The following DLGAP5 variants were observed in gnomAD, a reference collection of about 807,000 sequenced individuals.
DLGAP5 encodes the protein disks large-associated protein 5.
DLGAP5 carries 90 observed loss-of-function variants against 99.6 expected under a neutral mutation model. That is an observed-to-expected ratio of 0.90 (90% CI 0.76 to 1.08). DLGAP5 has a LOEUF of 1.08. Ranked by LOEUF, DLGAP5 falls within the 50% of genes least tolerant of loss-of-function variation. The pLI, the probability that DLGAP5 is intolerant of heterozygous loss-of-function variation, is 0.00. For missense variants in DLGAP5, 1,036 were observed against 983.5 expected (o/e 1.05, Z -0.71); for synonymous variants, 311 against 321.3 (o/e 0.97, Z 0.34).
chr14:55,152,508 G>C, intron 16 of DLGAP5, 82 bp downstream of exon 16: 1 of 1,041,628 alleles, frequency 9.6e-7, no homozygotes, highest in South Asian at 2.0e-5. Context: ...GAAATTCTGG[G>C]GATGCTTTAC....
chr14:55,159,351 C>T (rs1882331966), intron 13 of DLGAP5, among the ~76,000 whole-genome samples: 1 of 152,224 alleles, frequency 6.6e-6, no homozygotes, highest in South Asian at 2.1e-4. Context: ...GACAAGGGAA[C>T]AGAGAGTTAT....
intron 18 of DLGAP5, 113 bp from the exon 19 acceptor site, chr14:55,148,586 G>C (rs1397167164): frequency 6.4e-7 from 1 of 1,558,796 alleles, no homozygotes; most frequent in Non-Finnish European, 8.6e-7. Flanking sequence ...GGGTGCGGTG[G>C]TGCACACCTG....
chr14:55,163,902 G>C, intron 12 of DLGAP5, among the ~76,000 whole-genome samples: 1 of 152,100 alleles, frequency 6.6e-6, no homozygotes, highest in Non-Finnish European at 1.5e-5. Flanking sequence ...GGTTTTAAGA[G>C]CTCTTTGTAT....
chr14:55,180,761 G>C lies in DLGAP5; in HGVS notation c.598C>G (p.Pro200Ala). 6.2e-7 allele frequency: 1 copy of C among 1,614,060 alleles called. No individual in the cohort carries two copies. Residue 200 changes from proline (P) to alanine (A), a missense_variant, in exon 6 of 19, where the codon CCC (proline) becomes GCC (alanine). Pro to Ala is a conservative substitution (Grantham distance 27, BLOSUM62 -1). Coordinates refer to ENST00000247191, the MANE Select transcript of DLGAP5 (RefSeq NM_014750.5). Reference sequence around the variant, plus strand: ...GATCGAGTCATTCTCAACGACGTGGGCATTACAGGCTGCACAACTGTGGGA... The same window carrying C: ...GATCGAGTCATTCTCAACGACGTGGCCATTACAGGCTGCACAACTGTGGGA... ...KEKKVVQPVM[P>A]TSLRMTRSAT...
chr14:55,164,266 G>A (rs990805948), intron 12 of DLGAP5, among the ~76,000 whole-genome samples: 1 of 151,756 alleles, frequency 6.6e-6, no homozygotes, highest in African/African-American at 2.4e-5. Flanking sequence ...AACCGAGAAG[G>A]TCGAGACTAG....
At position 55,175,526 on chromosome 14, in the gene DLGAP5, T is replaced by C. The variant is rs1883031667; in HGVS notation, c.1175-54A>G. 2.3e-5 allele frequency: 24 copies of C among 1,036,024 alleles called. No homozygotes were observed. In the South Asian group the frequency reaches 3.6e-4, roughly 15 times the overall value. The allele number at this position is 1,036,024 out of a possible 1,614,324, so 64.2% of individuals were successfully genotyped here. On this transcript the variant is annotated intron_variant, in intron 9 of 18. Transcript: ENST00000247191. ...AATTTCAAAGCAACAATTCCTAAAATGACAGCCCCTAAAAAGACATTTTAA... is the reference window on the plus strand; with the variant it reads ...AATTTCAAAGCAACAATTCCTAAAACGACAGCCCCTAAAAAGACATTTTAA...
intron 5 of DLGAP5, 134 bp downstream of exon 5, chr14:55,181,079 C>T: frequency 1.2e-6 from 1 of 861,430 alleles, no homozygotes; most frequent in Non-Finnish European, 1.8e-6. Flanking sequence ...TGTGCCACTG[C>T]ACTCCAACCT....
intron 12 of DLGAP5, among the ~76,000 whole-genome samples, chr14:55,168,228 C>T (rs1882713500): frequency 1.3e-5 from 2 of 152,314 alleles, no homozygotes; most frequent in South Asian, 4.1e-4. Context: ...GCTAGGATTA[C>T]AGGCTTGAGC....
At chr14:55,184,396 G>A (rs1883368651) in intron 2 of DLGAP5, among the ~76,000 whole-genome samples, 1 of 152,136 alleles carries the variant, frequency 6.6e-6, no homozygotes, top group African/African-American at 2.4e-5. Context: ...TTGCCTTCAT[G>A]TGTTCAAATA....
chr14:55,184,564 C>T (rs1883372114), intron 2 of DLGAP5, among the ~76,000 whole-genome samples: 1 of 152,148 alleles, frequency 6.6e-6, no homozygotes, highest in Non-Finnish European at 1.5e-5. Context: ...CTTGTGTGAC[C>T]AAGAGAGTAT....
At chr14:55,177,550 T>G (rs1416206259) in intron 7 of DLGAP5, among the ~76,000 whole-genome samples, 1 of 151,962 alleles carries the variant, frequency 6.6e-6, no homozygotes, top group East Asian at 1.9e-4. Context: ...TCTTTTTTTT[T>G]TTTTTGATAC....
chr14:55,176,683 T>C (rs1883071297), intron 8 of DLGAP5, among the ~76,000 whole-genome samples: 2 of 152,022 alleles, frequency 1.3e-5, no homozygotes, highest in South Asian at 4.1e-4. Flanking sequence ...AGACCAAATA[T>C]AAGAAAGACA....
intron 1 of DLGAP5, chr14:55,191,055 G>A (rs888385882): frequency 1.3e-5 from 2 of 152,190 alleles, no homozygotes; most frequent in African/African-American, 4.8e-5. Flanking sequence ...AGGCAGCCCT[G>A]GCTCCACACA....
Position 55,180,519 on chromosome 14 carries a change from A to G in DLGAP5, c.703+137T>C. On this transcript the variant is annotated intron_variant, in intron 6 of 18. Transcript: ENST00000247191. ...TGCTAACCAGATGTCAGGGCACAGA[A>G]TCTATTTTCAGGTATTAGAATTTCC... 3 of 1,223,512 alleles carry G rather than the reference A, an allele frequency of 2.5e-6. No individual in the cohort carries two copies. In the South Asian group the frequency reaches 4.4e-5, roughly 18 times the overall value. The allele number at this position is 1,223,512 out of a possible 1,614,324, so 75.8% of individuals were successfully genotyped here.
chr14:55,183,447 CT>C, intron 3 of DLGAP5, 112 bp downstream of exon 3: 2 of 882,782 alleles, frequency 2.3e-6, no homozygotes, highest in Admixed American at 3.8e-5. Flanking sequence ...TCATTCCCAC[CT>C]TCTACCAACC....
intron 17 of DLGAP5, 60 bp downstream of exon 17, chr14:55,151,635 C>A (rs1431823085): frequency 6.5e-7 from 1 of 1,529,578 alleles, no homozygotes; most frequent in Non-Finnish European, 8.8e-7. Context: ...ATAATTTATA[C>A]CTTAATCCAA....
intron 13 of DLGAP5, among the ~76,000 whole-genome samples, chr14:55,161,619 A>G (rs1465254122): frequency 1.3e-5 from 2 of 151,424 alleles, no homozygotes; most frequent in Non-Finnish European, 2.9e-5. Flanking sequence ...CACGATGGTC[A>G]GGCTGGTCTC....
rs555247136 is a variant in DLGAP5 at position 55,169,170 on chromosome 14, C to T, written c.1548+229G>A. ...CAGCCTGGGTGACAGAGTGAGACTC[C>T]GTCTCAAAAAAAAAAAAAAAAAAAA... On this transcript the variant is annotated intron_variant, in intron 12 of 18. Transcript: ENST00000247191. Among the ~76,000 whole-genome samples, 796 of 118,258 alleles carry T rather than the reference C, an allele frequency of 6.7e-3. 3 individuals carry two copies. The highest frequency in any genetic ancestry group is 9.8e-3 in the Non-Finnish European group (606 of 61,564). The allele number at this position is 118,258 out of a possible 152,430, so 77.6% of individuals were successfully genotyped here.
chr14:55,164,136 C>A (rs746723529), intron 12 of DLGAP5, among the ~76,000 whole-genome samples: 4 of 152,130 alleles, frequency 2.6e-5, no homozygotes, highest in Non-Finnish European at 4.4e-5. Flanking sequence ...ATGCTATGCA[C>A]TTATACACAC....
Sources: gnomAD v4.1 joint callset for allele counts (sites outside exome capture counted in the v4.1 genomes callset) on GRCh38, gnomAD v4.1.1 for gene constraint, MANE v1.5 for transcripts, NCBI Gene and HGNC (gene_info 2026-07-23, HGNC 2026-07-21) for gene names.